Variants in VPS53 observed in about 807,000 individuals in gnomAD.
VPS53 encodes VPS53 subunit of GARP complex.
A neutral mutation model predicts 107.0 loss-of-function variants in VPS53; 70 were observed. The observed-to-expected ratio is 0.65, with a 90% CI of 0.54 to 0.80. VPS53 has a LOEUF of 0.80. Ranked by LOEUF, VPS53 falls within the 30% of genes least tolerant of loss-of-function variation. The pLI is 0.00. For missense variants in VPS53, 917 were observed against 1,049.4 expected (o/e 0.87, Z 1.74); for synonymous variants, 409 against 393.3 (o/e 1.04, Z -0.47).
At chr17:680,167 G>A (rs560921398) in intron 4 of VPS53, among the ~76,000 whole-genome samples, 32 of 152,118 alleles carry the variant, frequency 2.1e-4, no homozygotes, top group Admixed American at 1.4e-3. Context: ...GGTAGCAGGC[G>A]TCTGTTATCC....
At chr17:594,548 G>A (rs566455305) in intron 12 of VPS53, among the ~76,000 whole-genome samples, 1 of 150,194 alleles carries the variant, frequency 6.7e-6, no homozygotes, top group South Asian at 2.1e-4. Context: ...GGAGGAAGCT[G>A]GGAGATGGGA....
At position 711,655 on chromosome 17, in the gene VPS53, C is replaced by T. The variant is rs986677732; in HGVS notation, c.88-1042G>A. Among the ~76,000 whole-genome samples, 6 of 152,104 alleles carry T rather than the reference C, an allele frequency of 3.9e-5. No individual in the cohort carries two copies. In the East Asian group the frequency reaches 7.7e-4, roughly 20 times the overall value. Reference sequence around the variant, plus strand: ...GCTCTCAGTTTCTGTATTCCTCTCACGACTCCTAGGTTTTAGTGCTGTCCT... The same window carrying T: ...GCTCTCAGTTTCTGTATTCCTCTCATGACTCCTAGGTTTTAGTGCTGTCCT... On this transcript the variant is annotated intron_variant, in intron 1 of 21. Coordinates refer to ENST00000437048, the MANE Select transcript of VPS53 (RefSeq NM_001128159.3).
intron 4 of VPS53, among the ~76,000 whole-genome samples, chr17:665,402 T>G (rs1230853259): frequency 2.6e-5 from 4 of 152,232 alleles, no homozygotes; most frequent in Non-Finnish European, 5.9e-5. Context: ...TCCAGAATTA[T>G]AAGAAATCTC....
intron 19 of VPS53, among the ~76,000 whole-genome samples, chr17:526,263 A>G (rs1233257058): frequency 6.6e-6 from 1 of 152,172 alleles, no homozygotes; most frequent in African/African-American, 2.4e-5. Context: ...AAGCATATGG[A>G]GATATTTCCT....
intron 5 of VPS53, among the ~76,000 whole-genome samples, chr17:656,430 T>C (rs769030738): frequency 6.6e-6 from 1 of 152,146 alleles, no homozygotes; most frequent in Non-Finnish European, 1.5e-5. Flanking sequence ...CTCAAGAAGA[T>C]TGAAATATAA....
intron 11 of VPS53, among the ~76,000 whole-genome samples, chr17:607,056 G>A (rs1364515235): frequency 6.6e-6 from 1 of 152,092 alleles, no homozygotes; most frequent in Non-Finnish European, 1.5e-5. Context: ...AATATATACA[G>A]CAGCTTAACA....
At chr17:528,497 T>G (rs1445698279) in intron 19 of VPS53, among the ~76,000 whole-genome samples, 1 of 152,168 alleles carries the variant, frequency 6.6e-6, no homozygotes, top group Non-Finnish European at 1.5e-5. Context: ...CATCAGCTGA[T>G]GGACATTTGA....
intron 17 of VPS53, 162 bp from the exon 18 acceptor site, chr17:537,338 T>G: frequency 1.3e-6 from 1 of 764,796 alleles, no homozygotes; most frequent in Non-Finnish European, 2.1e-6. Flanking sequence ...CTGTAGGGAC[T>G]GATACTCAGG....
At chr17:671,702 A>G (rs550201866) in intron 4 of VPS53, among the ~76,000 whole-genome samples, 1 of 144,032 alleles carries the variant, frequency 6.9e-6, no homozygotes, top group Admixed American at 7.0e-5. Context: ...CAGTTTTCCC[A>G]TGACTTTTTT....
chr17:519,662 G>A lies in VPS53; in HGVS notation c.2328+164C>T, dbSNP rs1461101762. Among the ~76,000 whole-genome samples the A allele has an allele frequency of 6.6e-6, 1 of 152,146 alleles. No homozygotes were observed. On this transcript the variant is annotated intron_variant, in intron 21 of 21. Transcript: ENST00000437048. This position sits in a 1 kb window ranked among gnomAD's most constrained non-coding sequence, Gnocchi z 5.0. ...TCAGAATCCTGAAGTGCACGTGCCC[G>A]GGGCCATCCTCCTCCAGAGGCTTCT... is the stretch of plus-strand genomic sequence containing the variant.
At position 661,867 on chromosome 17, in the gene VPS53, T is replaced by C; in HGVS notation, c.314A>G (p.Gln105Arg). ...ATCTTTGATTTTGCCAAAGAGTTGTTGGATAGCTTTCTGAGCCTCTTCAAG... is the reference window on the plus strand; with the variant it reads ...ATCTTTGATTTTGCCAAAGAGTTGTCGGATAGCTTTCTGAGCCTCTTCAAG... ...QALEEAQKAI[Q>R]QLFGKIKDIK... Residue 105 changes from glutamine (Q) to arginine (R), a missense_variant, in exon 5 of 22, where the codon CAA (glutamine) becomes CGA (arginine). Transcript: ENST00000437048. The C allele has an allele frequency of 1.9e-6, 3 of 1,552,370 alleles. No homozygotes were observed.
intron 7 of VPS53, among the ~76,000 whole-genome samples, chr17:642,792 T>C (rs372410955): frequency 4.7e-5 from 4 of 85,412 alleles, no homozygotes; most frequent in African/African-American, 1.9e-4. Flanking sequence ...TACTTGGAAA[T>C]CAAGGACAAC....
chr17:565,519 A>T (rs1032183452), intron 13 of VPS53, among the ~76,000 whole-genome samples: 1 of 152,052 alleles, frequency 6.6e-6, no homozygotes, highest in African/African-American at 2.4e-5. Flanking sequence ...GTCTGTGGTG[A>T]TAGTGAGAAA....
intron 13 of VPS53, among the ~76,000 whole-genome samples, chr17:573,657 C>T (rs1253286820): frequency 1.3e-5 from 2 of 152,178 alleles, no homozygotes; most frequent in East Asian, 1.9e-4. Context: ...CTCCTCCTCG[C>T]CACAAAGTCC....
intron 11 of VPS53, among the ~76,000 whole-genome samples, chr17:608,611 T>G (rs1290521951): frequency 6.0e-5 from 9 of 150,796 alleles, no homozygotes; most frequent in Non-Finnish European, 4.4e-5. Context: ...TTTTTTCTTT[T>G]CTTTTCTTTT....
intron 11 of VPS53, among the ~76,000 whole-genome samples, chr17:617,759 G>A (rs1969217577): frequency 2.7e-5 from 4 of 147,696 alleles, no homozygotes; most frequent in South Asian, 2.2e-4. Context: ...GCGCCACCAC[G>A]CCCCACTAAT....
chr17:589,211 GCTTT>G (rs1460235533), intron 12 of VPS53, among the ~76,000 whole-genome samples: 2 of 150,586 alleles, frequency 1.3e-5, no homozygotes, highest in Admixed American at 6.6e-5. Context: ...TGTATATTTT[GCTTT>G]TTTTTTAAAT....
intron 11 of VPS53, among the ~76,000 whole-genome samples, chr17:609,461 A>C (rs901055994): frequency 2.0e-5 from 3 of 152,200 alleles, no homozygotes; most frequent in Non-Finnish European, 4.4e-5. Flanking sequence ...AAGACATACG[A>C]ACATATGTTT....
At chr17:639,409 T>C (rs1003889106) in intron 7 of VPS53, among the ~76,000 whole-genome samples, 15 of 152,356 alleles carry the variant, frequency 9.8e-5, no homozygotes, top group Non-Finnish European at 1.6e-4. Context: ...AGCCTTCTTC[T>C]CTCAACTCGT....
Sources: allele counts gnomAD v4.1 joint callset (sites outside exome capture counted in the v4.1 genomes callset), GRCh38; gene constraint gnomAD v4.1.1; non-coding constraint Gnocchi (gnomAD v3.1); transcripts MANE v1.5; gene names NCBI Gene and HGNC (gene_info 2026-07-23, HGNC 2026-07-21).